Variants in VPS13B observed in about 807,000 individuals in gnomAD.
VPS13B encodes the protein vacuolar protein sorting 13 homolog B.
VPS13B carries 285 observed loss-of-function variants against 426.4 expected under a neutral mutation model. That is an observed-to-expected ratio of 0.67 (90% CI 0.61 to 0.74). The LOEUF (loss-of-function observed/expected upper bound fraction) is 0.74. Ranked by LOEUF, VPS13B falls within the 30% of genes least tolerant of loss-of-function variation. The pLI is 0.00. For synonymous variants in VPS13B, 1,676 were observed against 1,676.4 expected (o/e 1.00, Z 0.01); for missense variants, 4,537 against 4,782.6 (o/e 0.95, Z 1.51).
chr8:99,170,122 C>G lies in VPS13B; in HGVS notation c.2292C>G (p.Ser764Arg), dbSNP rs1812241934. The change falls in exon 16 of 62, where the codon AGC becomes AGG. Residue 764 changes from serine (S) to arginine (R), a missense_variant. Ser to Arg is a moderately radical substitution (Grantham distance 110). Transcript: ENST00000357162. ...CTGTACCAGTTATTCCCTCTTTCAG[C>G]ACTGCTCTTTATGGGAAACTTCTGA... ...CLPVPVIPSFSTALYGKLLKL... is the reference protein window; with the variant it reads ...CLPVPVIPSFRTALYGKLLKL... The G allele has an allele frequency of 4.3e-6, 7 of 1,612,932 alleles. No individual in the cohort carries two copies. In the East Asian group the frequency reaches 1.6e-4, roughly 36 times the overall value.
At chr8:99,602,934 CGT>C (rs1462980402) in intron 33 of VPS13B, among the ~76,000 whole-genome samples, 1 of 151,726 alleles carries the variant, frequency 6.6e-6, no homozygotes, top group Non-Finnish European at 1.5e-5. Flanking sequence ...GCATCAATAT[CGT>C]GAAAATGGCC....
chr8:99,025,234 A>G (rs979018567), intron 2 of VPS13B, among the ~76,000 whole-genome samples: 1 of 152,178 alleles, frequency 6.6e-6, no homozygotes, highest in Admixed American at 6.5e-5. Context: ...AAATAGGGAC[A>G]GTTTGACTTT....
chr8:99,061,449 AC>A (rs1322595005), intron 3 of VPS13B, among the ~76,000 whole-genome samples: 2 of 151,978 alleles, frequency 1.3e-5, no homozygotes, highest in Admixed American at 6.6e-5. Context: ...TACTAGTCTG[AC>A]AATTCCTGAC....
chr8:99,335,796 C>A (rs552512055), intron 19 of VPS13B, among the ~76,000 whole-genome samples: 6 of 152,192 alleles, frequency 3.9e-5, no homozygotes, highest in South Asian at 2.1e-4. Flanking sequence ...ACCTAGGAAT[C>A]CAACTTACAA....
At chr8:99,613,753 A>G (rs1190331659) in intron 33 of VPS13B, 1 of 152,170 alleles carries the variant, frequency 6.6e-6, no homozygotes, top group Non-Finnish European at 1.5e-5. Context: ...CAATATATAT[A>G]CTCTGAACAG....
chr8:99,743,236 A>C (rs189436359), intron 39 of VPS13B, among the ~76,000 whole-genome samples: 6 of 152,288 alleles, frequency 3.9e-5, no homozygotes, highest in Non-Finnish European at 7.3e-5. Flanking sequence ...CTTCAAAGAG[A>C]ATAAAATACC....
intron 16 of VPS13B, among the ~76,000 whole-genome samples, chr8:99,172,527 C>T (rs376748210): frequency 3.9e-5 from 6 of 152,202 alleles, no homozygotes; most frequent in South Asian, 2.1e-4. Flanking sequence ...ACAAGATTTT[C>T]GTAGAGGATT....
At chr8:99,470,882 T>G (rs937468663) in intron 24 of VPS13B, among the ~76,000 whole-genome samples, 3 of 152,036 alleles carry the variant, frequency 2.0e-5, no homozygotes, top group African/African-American at 4.8e-5. Flanking sequence ...AAAAATAAAT[T>G]TTTTAAAATT....
chr8:99,341,232 C>T (rs550006826), intron 19 of VPS13B: 133 of 176,316 alleles, frequency 7.5e-4, no homozygotes, highest in South Asian at 1.5e-3. Flanking sequence ...AAATGCTTCT[C>T]GTAGGACTCC....
intron 35 of VPS13B, 61 bp downstream of exon 35, chr8:99,661,552 TATAGG>T: frequency 3.8e-6 from 6 of 1,572,796 alleles, no homozygotes; most frequent in Non-Finnish European, 5.2e-6. Context: ...TTAGCATGTA[TATAGG>T]ATCTGTTAGT....
intron 51 of VPS13B, among the ~76,000 whole-genome samples, chr8:99,831,189 C>T (rs1160240719): frequency 1.3e-5 from 2 of 150,470 alleles, no homozygotes; most frequent in East Asian, 2.0e-4. Context: ...TCTCCTGCCT[C>T]AGCCTTCTGA....
chr8:99,679,756 C>T (rs1462213520), intron 35 of VPS13B, among the ~76,000 whole-genome samples: 3 of 152,194 alleles, frequency 2.0e-5, no homozygotes, highest in African/African-American at 7.2e-5. Flanking sequence ...TCATGGACAG[C>T]TTTCCAGGTT....
At chr8:99,367,330 C>G (rs1016241514) in intron 19 of VPS13B, among the ~76,000 whole-genome samples, 1 of 152,170 alleles carries the variant, frequency 6.6e-6, no homozygotes, top group Non-Finnish European at 1.5e-5. Flanking sequence ...GTCACTCTCT[C>G]CTGGTCTGTA....
intron 30 of VPS13B, among the ~76,000 whole-genome samples, chr8:99,533,325 C>G (rs1823029606): frequency 6.6e-6 from 1 of 152,094 alleles, no homozygotes; most frequent in African/African-American, 2.4e-5. Flanking sequence ...GAGGAACTAC[C>G]AAGTGATCCA....
intron 39 of VPS13B, among the ~76,000 whole-genome samples, chr8:99,744,705 C>G (rs1207354218): frequency 6.6e-6 from 1 of 151,242 alleles, no homozygotes; most frequent in Non-Finnish European, 1.5e-5. Flanking sequence ...TCATTCTCAG[C>G]AAACTGTCTC....
intron 2 of VPS13B, 56 bp downstream of exon 2, chr8:99,013,991 AT>A: frequency 6.2e-7 from 1 of 1,612,272 alleles, no homozygotes; most frequent in South Asian, 1.1e-5. Context: ...TTAGACGGTA[AT>A]CTATTGTTTC....
chr8:99,070,293 A>G (rs1844786125), intron 3 of VPS13B, among the ~76,000 whole-genome samples: 1 of 152,206 alleles, frequency 6.6e-6, no homozygotes, highest in African/African-American at 2.4e-5. Flanking sequence ...TTAACATCCT[A>G]AAGTACTAAG....
chr8:99,029,973 G>A (rs997348163), intron 2 of VPS13B, among the ~76,000 whole-genome samples: 1 of 152,094 alleles, frequency 6.6e-6, no homozygotes, highest in African/African-American at 2.4e-5. Context: ...AATGTATCCT[G>A]AGAGGACCTT....
At chr8:99,154,924 G>A (rs1417971207) in intron 14 of VPS13B, among the ~76,000 whole-genome samples, 4 of 151,780 alleles carry the variant, frequency 2.6e-5, no homozygotes, top group Admixed American at 1.3e-4. Flanking sequence ...AAAAATAGAA[G>A]CAATTGAATT....
Sources: allele counts gnomAD v4.1 joint callset (sites outside exome capture counted in the v4.1 genomes callset), GRCh38; gene constraint gnomAD v4.1.1; transcripts MANE v1.5; gene names NCBI Gene and HGNC (gene_info 2026-07-23, HGNC 2026-07-21).